MALRD1: variants seen among roughly 807,000 people sequenced by gnomAD.
MALRD1 encodes the protein MAM and LDL receptor class A domain containing 1.
In MALRD1, 247 loss-of-function variants were observed where a neutral mutation model predicts 242.1. That is an observed-to-expected ratio of 1.02 (90% CI 0.92 to 1.13). The LOEUF (loss-of-function observed/expected upper bound fraction) is 1.13, where lower values mean the gene tolerates loss of function less well. MALRD1 is among the 50% of genes most tolerant of loss of function. The pLI is 0.00. For synonymous variants in MALRD1, 995 were observed against 866.6 expected, an observed-to-expected ratio of 1.15 and a Z score of -2.60; for missense variants, 2,989 against 2,533.1, an observed-to-expected ratio of 1.18 and a Z score of -3.86.
chr10:19,514,926 A>T (rs1234971570), intron 31 of MALRD1, among the ~76,000 whole-genome samples: 1 of 152,004 alleles, frequency 6.6e-6, no homozygotes. Flanking sequence ...ATTTTTTTGG[A>T]AGACTTAAAA....
chr10:19,643,155 G>A (rs916800451), intron 36 of MALRD1, among the ~76,000 whole-genome samples: 6 of 152,114 alleles, frequency 3.9e-5, no homozygotes, highest in East Asian at 1.9e-4. Flanking sequence ...GTTTAAGCCC[G>A]GAGCGGTGGC....
intron 28 of MALRD1, among the ~76,000 whole-genome samples, chr10:19,398,581 T>A (rs1336050002): frequency 2.6e-5 from 4 of 152,160 alleles, no homozygotes; most frequent in Non-Finnish European, 4.4e-5. Flanking sequence ...TATTCACAAT[T>A]TGAAGAAAAT....
At chr10:19,218,421 T>C (rs1837419941) in intron 18 of MALRD1, among the ~76,000 whole-genome samples, 1 of 152,180 alleles carries the variant, frequency 6.6e-6, no homozygotes, top group South Asian at 2.1e-4. Context: ...AAGAGTGTTA[T>C]ATCTCTTATA....
intron 21 of MALRD1, among the ~76,000 whole-genome samples, chr10:19,283,474 T>C (rs971761802): frequency 1.3e-5 from 2 of 152,198 alleles, no homozygotes; most frequent in Non-Finnish European, 1.5e-5. Flanking sequence ...AAATGATCTA[T>C]GGATGTCTTG....
intron 29 of MALRD1, among the ~76,000 whole-genome samples, chr10:19,476,978 A>T (rs1443384411): frequency 6.6e-6 from 1 of 152,136 alleles, no homozygotes. Context: ...CATTTTTTCC[A>T]GGTATTCCAA....
chr10:19,359,805 A>T (rs1455864025), intron 26 of MALRD1, among the ~76,000 whole-genome samples: 1 of 152,032 alleles, frequency 6.6e-6, no homozygotes, highest in Non-Finnish European at 1.5e-5. Context: ...TAACTGAGGG[A>T]TTCACTACCA....
At chr10:19,404,158 T>C (rs1401354218) in intron 28 of MALRD1, among the ~76,000 whole-genome samples, 4 of 152,100 alleles carry the variant, frequency 2.6e-5, no homozygotes, top group Non-Finnish European at 5.9e-5. Context: ...AGTAAAACTT[T>C]TACAATTTAC....
In MALRD1 at chr10:19,482,652, TACACACACAC is replaced by T. The variant is rs144094060; in HGVS notation, c.5030-8835_5030-8826del. On this transcript the variant is annotated intron_variant, in intron 29 of 39. Transcript: ENST00000454679. Reference sequence around the variant, plus strand: ...AGAGCACAATCCCATTTACAATAGCTACACACACACACACACACACACACACACACACACA... The same window carrying T: ...AGAGCACAATCCCATTTACAATAGCTACACACACACACACACACACACACA... 2.9e-4 allele frequency among the ~76,000 whole-genome samples: 39 copies of T among 136,434 alleles called. 1 individual carries two copies. Among genetic ancestry groups the T allele is most frequent in the Admixed American group, 1.0e-3 (14 of 13,474 alleles). 89.5% of individuals were successfully genotyped at this position (136,434 alleles called of 152,430 possible). A position where few individuals can be genotyped will look rare whatever the true frequency, so the allele number is the denominator to read the frequency against.
At chr10:19,458,827 C>T (rs1394264619) in intron 29 of MALRD1, among the ~76,000 whole-genome samples, 1 of 152,046 alleles carries the variant, frequency 6.6e-6, no homozygotes, top group Non-Finnish European at 1.5e-5. Flanking sequence ...ACATCTGCCT[C>T]ATCTTCCTGA....
At chr10:19,563,749 A>G (rs1222560437) in intron 32 of MALRD1, among the ~76,000 whole-genome samples, 1 of 152,176 alleles carries the variant, frequency 6.6e-6, no homozygotes, top group East Asian at 1.9e-4. Context: ...ACCTAGATAC[A>G]TGGACATTGT....
At chr10:19,246,730 G>A (rs10437405) in intron 18 of MALRD1, among the ~76,000 whole-genome samples, 67,117 of 151,986 alleles carry the variant, frequency 0.44, 15,483 homozygotes, top group Admixed American at 0.59. Context: ...AGATAATGCA[G>A]TGAGAATGGT....
chr10:19,098,069 C>T (rs1836109541), intron 4 of MALRD1, among the ~76,000 whole-genome samples: 2 of 152,148 alleles, frequency 1.3e-5, no homozygotes, highest in African/African-American at 2.4e-5. Flanking sequence ...TTCTTTCTTG[C>T]ACAAGATCCA....
intron 26 of MALRD1, among the ~76,000 whole-genome samples, chr10:19,381,426 A>G (rs1181228675): frequency 1.3e-5 from 2 of 152,036 alleles, no homozygotes; most frequent in Non-Finnish European, 2.9e-5. Flanking sequence ...AAAGTCTTTC[A>G]CAAGATCTGC....
chr10:19,277,579 C>T (rs1408411783), intron 19 of MALRD1, among the ~76,000 whole-genome samples: 2 of 152,140 alleles, frequency 1.3e-5, no homozygotes, highest in African/African-American at 2.4e-5. Context: ...GGTCAACTCT[C>T]CTTGCTATAG....
chr10:19,081,524 A>C (rs1835490776), intron 2 of MALRD1, among the ~76,000 whole-genome samples: 1 of 152,140 alleles, frequency 6.6e-6, no homozygotes, highest in Admixed American at 6.6e-5. Context: ...ACAGAAAACC[A>C]AATACCACAT....
intron 31 of MALRD1, among the ~76,000 whole-genome samples, chr10:19,508,377 A>G (rs1249342949): frequency 6.6e-6 from 1 of 152,210 alleles, no homozygotes; most frequent in Non-Finnish European, 1.5e-5. Context: ...CTCATTTAAT[A>G]TTTTTAAAAC....
intron 18 of MALRD1, among the ~76,000 whole-genome samples, chr10:19,232,322 A>T (rs535776827): frequency 6.6e-4 from 99 of 149,246 alleles, no homozygotes; most frequent in Non-Finnish European, 6.2e-4. Flanking sequence ...GCCCGCCACG[A>T]CACCCAGCTA....
At position 19,360,464 on chromosome 10, in the gene MALRD1, A is replaced by G. The variant is rs192704054; in HGVS notation, c.4441+8167A>G. On this transcript the variant is annotated intron_variant, in intron 26 of 39. Transcript: ENST00000454679. ...TTTTTGTATATTTGTCCTAAGGACT[A>G]AAATTTCTTCATTATGGCAGCTAGA... Among the ~76,000 whole-genome samples, 447 of 152,224 alleles carry G rather than the reference A, an allele frequency of 2.9e-3. 3 individuals carry two copies. The highest frequency in any genetic ancestry group is 1.0e-2 in the African/African-American group (415 of 41,552).
chr10:19,305,188 A>G (rs909795062), intron 21 of MALRD1, among the ~76,000 whole-genome samples: 6 of 151,692 alleles, frequency 4.0e-5, no homozygotes, highest in Non-Finnish European at 8.9e-5. Flanking sequence ...CTATTTTAAC[A>G]TATCACGCAG....
Sources: gnomAD v4.1 joint callset for allele counts (sites outside exome capture counted in the v4.1 genomes callset) on GRCh38, gnomAD v4.1.1 for gene constraint, MANE v1.5 for transcripts, NCBI Gene and HGNC (gene_info 2026-07-23, HGNC 2026-07-21) for gene names.